QTMAN: variants seen among roughly 807,000 people sequenced by gnomAD.
The protein encoded by QTMAN is queuosine-tRNA mannosyltransferase.
At chr2:144,169,191 C>CATTAGG in the QTMAN span, among the ~76,000 whole-genome samples, 2 of 152,116 alleles carry the variant, frequency 1.3e-5, no homozygotes, top group Non-Finnish European at 2.9e-5. Flanking sequence ...ACACCCAAGA[C>CATTAGG]CATTTAATGG....
chr2:144,233,078 T>G, the QTMAN span, among the ~76,000 whole-genome samples: 1 of 152,144 alleles, frequency 6.6e-6, no homozygotes, highest in African/African-American at 2.4e-5. Context: ...AGACATGAAC[T>G]GACCCTGAAT....
At chr2:144,234,947 A>G in the QTMAN span, among the ~76,000 whole-genome samples, 1 of 152,218 alleles carries the variant, frequency 6.6e-6, no homozygotes, top group African/African-American at 2.4e-5. Context: ...CTTTAGGATG[A>G]CAAAAGCTGT....
At chr2:144,157,028 C>G in the QTMAN span, among the ~76,000 whole-genome samples, 34 of 152,112 alleles carry the variant, frequency 2.2e-4, no homozygotes, top group Admixed American at 3.9e-4. Context: ...ACAGTTGCTG[C>G]TTGTGAGCCT....
chr2:144,191,685 G>A, the QTMAN span, among the ~76,000 whole-genome samples: 4 of 152,090 alleles, frequency 2.6e-5, no homozygotes, highest in South Asian at 2.1e-4. Flanking sequence ...CTGCCCTCAC[G>A]GAACTTAGAT....
the QTMAN span, among the ~76,000 whole-genome samples, chr2:144,196,756 C>T: frequency 6.6e-6 from 1 of 152,182 alleles, no homozygotes; most frequent in Non-Finnish European, 1.5e-5. Flanking sequence ...GAGGAGGAAA[C>T]TGGCTTTTCT....
chr2:143,993,411 A>G, the QTMAN span, among the ~76,000 whole-genome samples: 1 of 151,940 alleles, frequency 6.6e-6, no homozygotes, highest in Non-Finnish European at 1.5e-5. Context: ...AAGCAAAAAA[A>G]AAAAGGGGGG....
At chr2:144,263,073 A>AT in the QTMAN span, among the ~76,000 whole-genome samples, 1 of 151,736 alleles carries the variant, frequency 6.6e-6, no homozygotes, top group South Asian at 2.1e-4. Flanking sequence ...CTCACGACCC[A>AT]TATCTCCATA....
chr2:144,251,429 G>GA, the QTMAN span, among the ~76,000 whole-genome samples: 37 of 152,258 alleles, frequency 2.4e-4, no homozygotes, highest in Admixed American at 2.4e-3. Context: ...ATGGAGAAAG[G>GA]AGAGTCTCCA....
the QTMAN span, among the ~76,000 whole-genome samples, chr2:144,000,059 C>A: frequency 6.6e-6 from 1 of 151,946 alleles, no homozygotes; most frequent in East Asian, 1.9e-4. Context: ...AAACAGTCAA[C>A]AAGGCACCAA....
chr2:144,134,591 C>T, the QTMAN span, among the ~76,000 whole-genome samples: 2 of 152,072 alleles, frequency 1.3e-5, no homozygotes, highest in Non-Finnish European at 2.9e-5. Context: ...GCAACTCTGA[C>T]AATCCAATGT....
chr2:144,053,941 A>G, the QTMAN span, among the ~76,000 whole-genome samples: 1 of 151,978 alleles, frequency 6.6e-6, no homozygotes, highest in Admixed American at 6.6e-5. Context: ...TAATCCCAGC[A>G]CTTTGGGAGG....
chr2:144,234,065 G>A, the QTMAN span, among the ~76,000 whole-genome samples: 1 of 152,154 alleles, frequency 6.6e-6, no homozygotes, highest in Non-Finnish European at 1.5e-5. Flanking sequence ...TGTGTCAGCT[G>A]CTATTCTGAC....
chr2:143,980,745 G>A, the QTMAN span, among the ~76,000 whole-genome samples: 1 of 152,090 alleles, frequency 6.6e-6, no homozygotes, highest in South Asian at 2.1e-4. Context: ...ATGTTTTCAC[G>A]TCATATCTTA....
the QTMAN span, among the ~76,000 whole-genome samples, chr2:144,278,313 A>C: frequency 6.6e-6 from 1 of 152,154 alleles, no homozygotes; most frequent in Non-Finnish European, 1.5e-5. Flanking sequence ...CTTGCAAGTA[A>C]GTTACTTAGA....
chr2:144,244,034 G>A, the QTMAN span, among the ~76,000 whole-genome samples: 4 of 152,316 alleles, frequency 2.6e-5, no homozygotes, highest in African/African-American at 9.6e-5. Context: ...AGTATCATGT[G>A]AATGTTTTCC....
chr2:143,972,656 G>T, the QTMAN span, among the ~76,000 whole-genome samples: 1 of 152,090 alleles, frequency 6.6e-6, no homozygotes, highest in African/African-American at 2.4e-5. Context: ...CCTATAGGTG[G>T]ACAAAAGCTT....
the QTMAN span, chr2:144,145,533 T>C: frequency 2.0e-6 from 3 of 1,486,712 alleles, no homozygotes; most frequent in Non-Finnish European, 1.8e-6. Context: ...AAGAAAAAGG[T>C]AGCAAAGGGC....
At chr2:144,235,491 A>G in the QTMAN span, among the ~76,000 whole-genome samples, 1,330 of 152,272 alleles carry the variant, frequency 8.7e-3, 14 homozygotes, top group African/African-American at 0.03. Flanking sequence ...AAAAATGAAG[A>G]AATCTGACTT....
At chr2:144,233,850 T>C in the QTMAN span, among the ~76,000 whole-genome samples, 1 of 152,118 alleles carries the variant, frequency 6.6e-6, no homozygotes, top group African/African-American at 2.4e-5. Context: ...TTAAAAACCA[T>C]GTGAGAGATT....
Sources: allele counts gnomAD v4.1 joint callset (sites outside exome capture counted in the v4.1 genomes callset), GRCh38; gene constraint gnomAD v4.1.1; transcripts MANE v1.5; gene names NCBI Gene and HGNC (gene_info 2026-07-23, HGNC 2026-07-21).